ETV6: variants seen among roughly 807,000 people sequenced by gnomAD.
ETV6 encodes the protein transcription factor ETV6.
In ETV6, 16 loss-of-function variants were observed where a neutral mutation model predicts 51.1. That is an observed-to-expected ratio of 0.31 (90% CI 0.21 to 0.48). ETV6 has a LOEUF of 0.48. Among genes scored for constraint, ETV6 ranks in the 20% least tolerant of loss-of-function variants. The probability of loss-of-function intolerance (pLI) is 0.99; values close to 1 mark genes in which losing one functional copy is unlikely to be tolerated. For missense variants in ETV6, 458 were observed against 594.8 expected (o/e 0.77, Z 2.39); for synonymous variants, 240 against 224.1 (o/e 1.07, Z -0.64).
At chr12:11,804,585 C>G (rs975868057) in intron 2 of ETV6, among the ~76,000 whole-genome samples, 1 of 152,240 alleles carries the variant, frequency 6.6e-6, no homozygotes, top group African/African-American at 2.4e-5. Context: ...AGTCCCTCAC[C>G]TTATCCAGGC....
At chr12:11,889,426 A>G (rs2136611795) in intron 7 of ETV6, among the ~76,000 whole-genome samples, 1 of 152,372 alleles carries the variant, frequency 6.6e-6, no homozygotes, top group African/African-American at 2.4e-5. Flanking sequence ...GTTTCTTGGT[A>G]TAAGACCTAG....
At chr12:11,657,667 A>G (rs749073412) in intron 1 of ETV6, among the ~76,000 whole-genome samples, 1 of 152,312 alleles carries the variant, frequency 6.6e-6, no homozygotes, top group East Asian at 1.9e-4. Flanking sequence ...TTCCCTTTGT[A>G]TGTGGGAGTC....
intron 1 of ETV6, among the ~76,000 whole-genome samples, chr12:11,714,049 G>A (rs1865223804): frequency 6.6e-6 from 1 of 152,192 alleles, no homozygotes; most frequent in African/African-American, 2.4e-5. Flanking sequence ...TGATGCATAT[G>A]ACATTAAAGC....
intron 2 of ETV6, among the ~76,000 whole-genome samples, chr12:11,788,182 T>C (rs1169693239): frequency 6.6e-6 from 1 of 152,248 alleles, no homozygotes; most frequent in Non-Finnish European, 1.5e-5. Context: ...GATTAGGGAC[T>C]CCAGCAATAT....
chr12:11,662,536 C>A (rs1187552547), intron 1 of ETV6, among the ~76,000 whole-genome samples: 1 of 152,194 alleles, frequency 6.6e-6, no homozygotes, highest in Non-Finnish European at 1.5e-5. Context: ...GAAAGTTGGT[C>A]TGTGTACATT....
intron 1 of ETV6, among the ~76,000 whole-genome samples, chr12:11,739,873 C>A (rs1044113377): frequency 2.0e-5 from 3 of 152,178 alleles, no homozygotes; most frequent in Non-Finnish European, 4.4e-5. Flanking sequence ...CGGGATCCAT[C>A]AGAAGCATTA....
rs567081852 is a variant in ETV6, at chr12:11,776,483, T to C, written c.163+23904T>C. 5.9e-5 allele frequency among the ~76,000 whole-genome samples: 9 copies of C among 152,214 alleles called. No homozygotes were observed. The South Asian group carries it at 1.9e-3, about 32-fold the overall frequency. ...TGGTCTCCAAGTCCTGGCCTCAAGC[T>C]ATCCTCCTGCTGTGGCCGCCCAAAG... On this transcript the variant is annotated intron_variant, in intron 2 of 7. Transcript: ENST00000396373.
intron 2 of ETV6, among the ~76,000 whole-genome samples, chr12:11,837,608 T>G (rs1946334835): frequency 6.6e-6 from 1 of 152,200 alleles, no homozygotes; most frequent in South Asian, 2.1e-4. Context: ...ATGCCTGGTT[T>G]AGGATGAAAG....
chr12:11,830,182 G>A (rs1441447693), intron 2 of ETV6, among the ~76,000 whole-genome samples: 1 of 152,170 alleles, frequency 6.6e-6, no homozygotes, highest in Non-Finnish European at 1.5e-5. Flanking sequence ...GAGGTCAGAA[G>A]GTGCTCTGTG....
At chr12:11,722,675 C>T (rs1865411322) in intron 1 of ETV6, among the ~76,000 whole-genome samples, 1 of 152,216 alleles carries the variant, frequency 6.6e-6, no homozygotes, top group African/African-American at 2.4e-5. Context: ...AAGTTACTCT[C>T]CCAAACCCCA....
chr12:11,672,276 T>A (rs1345599607), intron 1 of ETV6, among the ~76,000 whole-genome samples: 1 of 152,064 alleles, frequency 6.6e-6, no homozygotes, highest in African/African-American at 2.4e-5. Flanking sequence ...AAACAGAAAA[T>A]GCCCTGAACA....
In ETV6 at chr12:11,737,464, T is replaced by G. The variant is rs146624690; in HGVS notation, c.34-14986T>G. ...GGATAATTCAGGGTCATATGGAGAT[T>G]TTTATTCTATCAGTATTTGCCCTGT... is the stretch of plus-strand genomic sequence containing the variant. On this transcript the variant is annotated intron_variant, in intron 1 of 7. Transcript: ENST00000396373. Among the ~76,000 whole-genome samples, 304 of 152,350 alleles carry G rather than the reference T, an allele frequency of 2.0e-3. 2 individuals are homozygous for G. Among genetic ancestry groups the G allele is most frequent in the African/African-American group, 7.0e-3 (290 of 41,586 alleles).
intron 1 of ETV6, among the ~76,000 whole-genome samples, chr12:11,711,125 A>G (rs1387219456): frequency 3.3e-5 from 5 of 152,228 alleles, no homozygotes; most frequent in South Asian, 2.1e-4. Context: ...GGCAAATAGC[A>G]TGGAAGGTCT....
chr12:11,772,792 C>G (rs1945261259), intron 2 of ETV6, among the ~76,000 whole-genome samples: 1 of 152,068 alleles, frequency 6.6e-6, no homozygotes, highest in Non-Finnish European at 1.5e-5. Flanking sequence ...TCAACAAAAG[C>G]CTAAAATTTT....
At chr12:11,747,900 G>C (rs1194858354) in intron 1 of ETV6, among the ~76,000 whole-genome samples, 1 of 152,178 alleles carries the variant, frequency 6.6e-6, no homozygotes, top group Non-Finnish European at 1.5e-5. Flanking sequence ...TTAAATACTT[G>C]TGTATTCAGA....
chr12:11,858,404 A>ATTT (rs869173678), intron 4 of ETV6, among the ~76,000 whole-genome samples: 3 of 149,852 alleles, frequency 2.0e-5, no homozygotes, highest in African/African-American at 7.4e-5. Flanking sequence ...ATATATATAT[A>ATTT]TTTTTTTTTA....
chr12:11,674,119 A>G (rs189923571), intron 1 of ETV6, among the ~76,000 whole-genome samples: 2 of 152,320 alleles, frequency 1.3e-5, no homozygotes, highest in East Asian at 3.9e-4. Context: ...CCGCAGATAC[A>G]ATGCACGGAA....
At chr12:11,782,885 A>G (rs976797103) in intron 2 of ETV6, among the ~76,000 whole-genome samples, 1 of 152,232 alleles carries the variant, frequency 6.6e-6, no homozygotes, top group African/African-American at 2.4e-5. Context: ...GTATACATCT[A>G]TTGACTGGCT....
At position 11,884,523 on chromosome 12, in the gene ETV6, A is replaced by G. The variant is rs1403421167; in HGVS notation, c.1088A>G (p.Lys363Arg). The change falls in exon 6 of 8, where the codon AAA becomes AGA. Residue 363 changes from lysine (K) to arginine (R), a missense_variant. Lys to Arg is a conservative substitution (Grantham distance 26, BLOSUM62 2). Coordinates refer to ENST00000396373, the MANE Select transcript of ETV6 (RefSeq NM_001987.5). Reference sequence around the variant, plus strand: ...GAAAACTTCATCCGATGGGAGGACAAAGAATCCAAAATATTCCGGATAGTG... The same window carrying G: ...GAAAACTTCATCCGATGGGAGGACAGAGAATCCAAAATATTCCGGATAGTG... ...RYENFIRWED[K>R]ESKIFRIVDP... The G allele has an allele frequency of 1.5e-5, 25 of 1,614,250 alleles. No individual in the cohort carries two copies. Among genetic ancestry groups the G allele is most frequent in the Non-Finnish European group, 1.9e-5 (23 of 1,180,042 alleles).
Sources: gnomAD v4.1 joint callset for allele counts (sites outside exome capture counted in the v4.1 genomes callset) on GRCh38, gnomAD v4.1.1 for gene constraint, MANE v1.5 for transcripts, NCBI Gene and HGNC (gene_info 2026-07-23, HGNC 2026-07-21) for gene names.